Variants in NEGR1 observed in about 807,000 individuals in gnomAD.
The protein encoded by NEGR1 is neuronal growth regulator 1, also known as IgLON family member 4.
NEGR1 carries 10 observed loss-of-function variants against 40.9 expected under a neutral mutation model. That is an observed-to-expected ratio of 0.24 (90% CI 0.15 to 0.42). NEGR1 has a LOEUF of 0.42. NEGR1 is among the 10% of genes least tolerant of loss of function. The probability of loss-of-function intolerance (pLI) is 1.00; values close to 1 mark genes in which losing one functional copy is unlikely to be tolerated. For missense variants in NEGR1, 352 were observed against 438.9 expected, an observed-to-expected ratio of 0.80 and a Z score of 1.77; for synonymous variants, 185 against 166.8, an observed-to-expected ratio of 1.11 and a Z score of -0.84.
At chr1:71,622,631 T>C (rs1650645400) in intron 4 of NEGR1, among the ~76,000 whole-genome samples, 3 of 151,868 alleles carry the variant, frequency 2.0e-5, no homozygotes, top group Admixed American at 6.6e-5. Context: ...TTTTAAGCCA[T>C]GGTATGCCAT....
At chr1:72,274,979 C>A (rs905905479) in intron 1 of NEGR1, 40 of 1,529,010 alleles carry the variant, frequency 2.6e-5, no homozygotes, top group Non-Finnish European at 3.5e-5. Context: ...AAGTACATTG[C>A]CATAGTTAGT....
chr1:72,124,197 G>A (rs1232997452), intron 1 of NEGR1, among the ~76,000 whole-genome samples: 1 of 151,944 alleles, frequency 6.6e-6, no homozygotes, highest in African/African-American at 2.4e-5. Flanking sequence ...CACCAAGGAG[G>A]TTTTCAGCTC....
At chr1:71,689,917 A>T (rs1653195235) in intron 4 of NEGR1, among the ~76,000 whole-genome samples, 1 of 152,018 alleles carries the variant, frequency 6.6e-6, no homozygotes, top group Admixed American at 6.6e-5. Flanking sequence ...TTATTTTAAC[A>T]TTTATCATTT....
intron 1 of NEGR1, among the ~76,000 whole-genome samples, chr1:72,126,088 A>AGAGTGTGT (rs1553142825): frequency 7.7e-6 from 1 of 129,324 alleles, no homozygotes; most frequent in Non-Finnish European, 1.6e-5. Context: ...ATTAGAGAAA[A>AGAGTGTGT]GTATGTGTGT....
intron 6 of NEGR1, among the ~76,000 whole-genome samples, chr1:71,435,048 G>A (rs1260165665): frequency 2.6e-5 from 4 of 151,512 alleles, no homozygotes; most frequent in East Asian, 1.9e-4. Flanking sequence ...CCGAGATTGC[G>A]CCAATGCACT....
chr1:71,688,384 G>GATATAAAAAAGAT (rs71070894), intron 4 of NEGR1, among the ~76,000 whole-genome samples: 6 of 31,722 alleles, frequency 1.9e-4, no homozygotes, highest in East Asian at 6.6e-4. Context: ...ATACATAAAA[G>GATATAAAAAAGAT]ATATATAAAA....
At chr1:71,787,910 A>G (rs972119024) in intron 2 of NEGR1, among the ~76,000 whole-genome samples, 1 of 152,196 alleles carries the variant, frequency 6.6e-6, no homozygotes, top group African/African-American at 2.4e-5. Context: ...GTTTTCTTAT[A>G]AAAGTTGTAC....
chr1:71,840,599 A>G (rs533830329), intron 2 of NEGR1, among the ~76,000 whole-genome samples: 1 of 152,272 alleles, frequency 6.6e-6, no homozygotes, highest in Admixed American at 6.5e-5. Flanking sequence ...TCTACTATAT[A>G]AAAGTTATGA....
At chr1:72,220,435 T>G (rs1024515436) in intron 1 of NEGR1, among the ~76,000 whole-genome samples, 1 of 151,574 alleles carries the variant, frequency 6.6e-6, no homozygotes, top group South Asian at 2.1e-4. Flanking sequence ...CTCTTCCCTC[T>G]TCCTTTCTGG....
At chr1:71,606,213 C>A (rs933707964) in intron 5 of NEGR1, among the ~76,000 whole-genome samples, 2 of 152,176 alleles carry the variant, frequency 1.3e-5, no homozygotes, top group Non-Finnish European at 2.9e-5. Context: ...CTAGCTCTCT[C>A]CTGGATCACT....
chr1:71,967,289 C>T (rs1158992862), intron 1 of NEGR1, among the ~76,000 whole-genome samples: 2 of 152,072 alleles, frequency 1.3e-5, no homozygotes, highest in African/African-American at 4.8e-5. Context: ...GGGAAAAGTC[C>T]ATGCTGGGTG....
chr1:72,210,015 G>A (rs940231755), intron 1 of NEGR1, among the ~76,000 whole-genome samples: 1 of 151,836 alleles, frequency 6.6e-6, no homozygotes, highest in African/African-American at 2.4e-5. Flanking sequence ...AAAATAAAAT[G>A]CGGATGATAA....
chr1:71,613,073 G>T (rs963915406), intron 4 of NEGR1, among the ~76,000 whole-genome samples: 5 of 152,152 alleles, frequency 3.3e-5, no homozygotes, highest in Non-Finnish European at 5.9e-5. Flanking sequence ...TCTGGCTGCT[G>T]TGTTGAGAAA....
intron 2 of NEGR1, among the ~76,000 whole-genome samples, chr1:71,856,311 G>T (rs1392335514): frequency 6.6e-6 from 1 of 152,064 alleles, no homozygotes; most frequent in Non-Finnish European, 1.5e-5. Context: ...GTTTGAGGAG[G>T]TGCCATAAAG....
chr1:72,196,429 T>G (rs1653000831), intron 1 of NEGR1, among the ~76,000 whole-genome samples: 1 of 152,124 alleles, frequency 6.6e-6, no homozygotes, highest in African/African-American at 2.4e-5. Flanking sequence ...TACTAAAATA[T>G]GCACCTATTA....
intron 4 of NEGR1, among the ~76,000 whole-genome samples, chr1:71,651,305 T>C (rs1244151581): frequency 6.6e-6 from 1 of 152,108 alleles, no homozygotes; most frequent in Non-Finnish European, 1.5e-5. Flanking sequence ...TGACTGAAGC[T>C]CAATTCCAGG....
intron 6 of NEGR1, among the ~76,000 whole-genome samples, chr1:71,527,828 T>G (rs1647240228): frequency 6.6e-6 from 1 of 151,452 alleles, no homozygotes; most frequent in Admixed American, 6.6e-5. Context: ...GCATAAAAAG[T>G]ATTTTTAGAA....
chr1:71,688,341 G>A (rs2422026), intron 4 of NEGR1, among the ~76,000 whole-genome samples: 1 of 42,094 alleles, frequency 2.4e-5, no homozygotes, highest in African/African-American at 8.5e-5. Context: ...TAGATAGATA[G>A]ATAGATAGAT....
chr1:72,168,687 C>T (rs1013646399), intron 1 of NEGR1, among the ~76,000 whole-genome samples: 7 of 151,916 alleles, frequency 4.6e-5, no homozygotes, highest in African/African-American at 9.7e-5. Flanking sequence ...CCCAGGTGTT[C>T]GAGACAAGCC....
Sources: gnomAD v4.1 joint callset for allele counts (sites outside exome capture counted in the v4.1 genomes callset) on GRCh38, gnomAD v4.1.1 for gene constraint, MANE v1.5 for transcripts, NCBI Gene and HGNC (gene_info 2026-07-23, HGNC 2026-07-21) for gene names.